Variants in TRANK1 observed in about 807,000 individuals in gnomAD.
TRANK1 encodes TPR and ankyrin repeat-containing protein 1.
Under a neutral mutation model 266.0 loss-of-function variants are expected in TRANK1, and 198 were observed. The observed-to-expected ratio is 0.74, with a 90% CI of 0.66 to 0.84. The LOEUF (loss-of-function observed/expected upper bound fraction) is 0.84. TRANK1 is among the 40% of genes least tolerant of loss of function. TRANK1 has a pLI of 0.00. For synonymous variants in TRANK1, 1,396 were observed against 1,384.1 expected, an observed-to-expected ratio of 1.01 and a Z score of -0.19; for missense variants, 3,326 against 3,634.6, an observed-to-expected ratio of 0.92 and a Z score of 2.18.
At chr3:36,838,074 C>T (rs932288053) in intron 20 of TRANK1, among the ~76,000 whole-genome samples, 1 of 152,104 alleles carries the variant, frequency 6.6e-6, no homozygotes, top group African/African-American at 2.4e-5. Context: ...TTCTAAAACC[C>T]TTCTGCCCTT....
chr3:36,849,962 TG>T, intron 15 of TRANK1: 1 of 948,086 alleles, frequency 1.1e-6, no homozygotes, highest in Non-Finnish European at 1.3e-6. Flanking sequence ...GAGCCATTGG[TG>T]GGAGCACCGG....
In TRANK1 at chr3:36,855,697, T is replaced by C; in HGVS notation, c.4025A>G (p.Asn1342Ser). ...TATTTCTTTCCAAATCAGTGCAGGG[T>C]TGTAGGCAGTCCTCCCTTTGGTCAT... is the stretch of plus-strand genomic sequence containing the variant. The part of the protein sequence containing the change: ...PKMTKGRTAY[N>S]PALIWKEIKS... Residue 1342 changes from asparagine (N) to serine (S), a missense_variant, in exon 13 of 24, where the codon AAC becomes AGC. Transcript: ENST00000645898. The C allele has an allele frequency of 6.2e-7, 1 of 1,613,734 alleles. No homozygotes were observed. Among genetic ancestry groups the C allele is most frequent in the Non-Finnish European group, 8.5e-7 (1 of 1,179,858 alleles).
chr3:36,945,393 G>T (rs1159140639), upstream of TRANK1, among the ~76,000 whole-genome samples: 1 of 152,154 alleles, frequency 6.6e-6, no homozygotes, highest in Non-Finnish European at 1.5e-5. Flanking sequence ...AACAAAGGAC[G>T]TACGGAGAAC....
intron 23 of TRANK1, among the ~76,000 whole-genome samples, chr3:36,829,354 T>G (rs1234315247): frequency 6.6e-6 from 1 of 152,322 alleles, no homozygotes; most frequent in East Asian, 1.9e-4. Flanking sequence ...AACTAACATG[T>G]GCCCAGAATA....
At chr3:36,913,030 T>TTGTGTG (rs10633466) in intron 1 of TRANK1, among the ~76,000 whole-genome samples, 61,068 of 143,928 alleles carry the variant, frequency 0.42, 13,389 homozygotes, top group East Asian at 0.58. Flanking sequence ...TATGTCTCTT[T>TTGTGTG]TGTGTGTGTG....
chr3:36,850,800 A>G, intron 15 of TRANK1: 3 of 985,440 alleles, frequency 3.0e-6, no homozygotes, highest in Non-Finnish European at 2.4e-6. Context: ...GAAGGACTCT[A>G]TCTAAAGGGT....
intron 8 of TRANK1, among the ~76,000 whole-genome samples, chr3:36,879,714 A>AAATATG (rs2079459399): frequency 2.8e-5 from 3 of 108,814 alleles, no homozygotes; most frequent in Non-Finnish European, 5.3e-5. Flanking sequence ...ATATAAATAT[A>AAATATG]TAAATATATA....
In TRANK1 at chr3:36,878,364, TG is replaced by T. The variant is rs1305816778; in HGVS notation, c.908-4069del. On this transcript the variant is annotated intron_variant, in intron 8 of 23. Coordinates refer to ENST00000645898, the MANE Select transcript of TRANK1 (RefSeq NM_001329998.2). The stretch of plus-strand genomic sequence containing the variant: ...AACCAGTCCCTGGTGCCAAAAAGGT[TG>T]GGGACCACTGCTTTAGATTACAAGA... Among the ~76,000 whole-genome samples the T allele has an allele frequency of 6.6e-5, 10 of 152,304 alleles. No individual in the cohort carries two copies. The East Asian group carries it at 1.5e-3, about 23-fold the overall frequency.
chr3:36,861,905 CTA>C (rs1313209400), intron 10 of TRANK1, among the ~76,000 whole-genome samples: 12 of 152,090 alleles, frequency 7.9e-5, no homozygotes, highest in African/African-American at 2.9e-4. Context: ...CAGGGTTTCA[CTA>C]TGTTAGCCAG....
rs140613005 is a variant in TRANK1 at position 36,872,147 on chromosome 3, T to A, written c.1078+1979A>T. Among the ~76,000 whole-genome samples, 447 of 152,322 alleles carry A rather than the reference T, an allele frequency of 2.9e-3. 1 individual carries two copies. The highest frequency in any genetic ancestry group is 0.01 in the African/African-American group (426 of 41,572). Reference sequence around the variant, plus strand: ...TGGGCATGGTGGCTCATGCCTATAATCCCAGCACTTTGGGAGGCCAAGGCA... The same window carrying A: ...TGGGCATGGTGGCTCATGCCTATAAACCCAGCACTTTGGGAGGCCAAGGCA... On this transcript the variant is annotated intron_variant, in intron 9 of 23. Coordinates refer to ENST00000645898, the MANE Select transcript of TRANK1 (RefSeq NM_001329998.2).
chr3:36,919,453 A>C (rs2080183193), intron 1 of TRANK1, among the ~76,000 whole-genome samples: 1 of 152,270 alleles, frequency 6.6e-6, no homozygotes, highest in East Asian at 1.9e-4. Context: ...TGTATATATC[A>C]GTAACTCCTT....
intron 1 of TRANK1, among the ~76,000 whole-genome samples, chr3:36,940,441 A>C (rs2080482077): frequency 6.6e-6 from 1 of 151,406 alleles, no homozygotes; most frequent in Non-Finnish European, 1.5e-5. Flanking sequence ...CAGAGCTGGC[A>C]GTGAGCTGAG....
At chr3:36,919,730 A>G (rs1296763646) in intron 1 of TRANK1, among the ~76,000 whole-genome samples, 1 of 152,220 alleles carries the variant, frequency 6.6e-6, no homozygotes, top group Admixed American at 6.5e-5. Context: ...TCCCAAAAGC[A>G]GTGTTTTGTG....
In TRANK1 at chr3:36,858,800, C is replaced by T; in HGVS notation, c.1590G>A (p.Lys530=). The stretch of plus-strand genomic sequence containing the variant: ...GAGAAATAGCACGGGGGTCTGCGCC[C>T]TTGGTCAAGAGAAGGAAAGCCAACT... ...DFELAFLLLT[K]GADPRAISLT... The change falls in exon 12 of 24, where the codon AAG becomes AAA. Residue 530 remains lysine, a synonymous_variant. Transcript: ENST00000645898. 1 of 1,537,246 alleles carries T rather than the reference C, an allele frequency of 6.5e-7. No individual in the cohort carries two copies. The highest frequency in any genetic ancestry group is 8.7e-7 in the Non-Finnish European group (1 of 1,146,890).
At chr3:36,943,147 G>T (rs1376508455) in intron 1 of TRANK1, among the ~76,000 whole-genome samples, 1 of 151,788 alleles carries the variant, frequency 6.6e-6, no homozygotes, top group Non-Finnish European at 1.5e-5. Context: ...AGCCGAGATC[G>T]CCTCATTGCA....
intron 11 of TRANK1, 37 bp from the exon 12 acceptor site, chr3:36,858,931 G>A (rs1374331263): frequency 6.7e-7 from 1 of 1,493,830 alleles, no homozygotes; most frequent in South Asian, 1.3e-5. Flanking sequence ...ATGTGAGCAG[G>A]CACAGCCTGG....
chr3:36,882,745 CAA>C (rs563958490), intron 8 of TRANK1, among the ~76,000 whole-genome samples: 44 of 152,132 alleles, frequency 2.9e-4, no homozygotes, highest in Non-Finnish European at 5.9e-4. Flanking sequence ...ATACCACAGA[CAA>C]GAGCTAATGA....
In TRANK1 at chr3:36,883,791, A is replaced by G. The variant is rs79531006; in HGVS notation, c.907+6038T>C. On this transcript the variant is annotated intron_variant, in intron 8 of 23. Coordinates refer to ENST00000645898, the MANE Select transcript of TRANK1 (RefSeq NM_001329998.2). ...TTTCACATGCCCTTCATATACCCAAAATATAAACAAAATCAAACAGGATGT... is the reference window on the plus strand; with the variant it reads ...TTTCACATGCCCTTCATATACCCAAGATATAAACAAAATCAAACAGGATGT... 4.9e-4 allele frequency among the ~76,000 whole-genome samples: 74 copies of G among 152,330 alleles called. No individual in the cohort carries two copies. The East Asian group carries it at 0.014, about 28-fold the overall frequency.
intron 2 of TRANK1, among the ~76,000 whole-genome samples, chr3:36,904,279 G>A (rs969050606): frequency 6.6e-6 from 1 of 151,092 alleles, no homozygotes; most frequent in African/African-American, 2.4e-5. Context: ...GCCTGTAATC[G>A]CAGCACTTCG....
Sources: gnomAD v4.1 joint callset for allele counts (sites outside exome capture counted in the v4.1 genomes callset) on GRCh38, gnomAD v4.1.1 for gene constraint, MANE v1.5 for transcripts, NCBI Gene and HGNC (gene_info 2026-07-23, HGNC 2026-07-21) for gene names.